KIR2DL1: variants seen among roughly 807,000 people sequenced by gnomAD.
KIR2DL1 encodes killer cell immunoglobulin-like receptor 2DL1.
KIR2DL1 carries 38 observed loss-of-function variants against 33.9 expected under a neutral mutation model. The observed-to-expected ratio is 1.12, with a 90% CI of 0.86 to 1.47. The LOEUF is 1.47. Among genes scored for constraint, KIR2DL1 ranks in the 40% most tolerant of loss-of-function variants. The pLI is 0.00. For synonymous variants in KIR2DL1, 179 were observed against 165.9 expected (o/e 1.08, Z -0.61); for missense variants, 531 against 433.9 (o/e 1.22, Z -1.99).
At chr19:54,782,629 C>T (rs1322300825) in intron 5 of KIR2DL1, among the ~76,000 whole-genome samples, 1 of 152,040 alleles carries the variant, frequency 6.6e-6, no homozygotes, top group Non-Finnish European at 1.5e-5. Context: ...GGATCCACCT[C>T]CATGACCCAA....
intron 3 of KIR2DL1, among the ~76,000 whole-genome samples, 156 bp from the exon 4 acceptor site, chr19:54,775,009 A>T (rs561349023): frequency 6.8e-6 from 1 of 147,954 alleles, no homozygotes; most frequent in East Asian, 1.9e-4. Context: ...GAGAAGGTGG[A>T]AGGAGGAAAT....
At chr19:54,771,198 G>A (rs1389824981) in intron 2 of KIR2DL1, among the ~76,000 whole-genome samples, 3 of 148,582 alleles carry the variant, frequency 2.0e-5, no homozygotes, top group African/African-American at 7.4e-5. Flanking sequence ...GGGCTGCAGT[G>A]TGGCTGCTGT....
rs1232931735 is a variant in KIR2DL1 at position 54,779,864 on chromosome 19, A to C, written c.715+1202A>C. Among the ~76,000 whole-genome samples the C allele has an allele frequency of 1.8e-4, 25 of 136,774 alleles. 3 individuals are homozygous for C. Among genetic ancestry groups the C allele is most frequent in the Non-Finnish European group, 3.0e-4 (19 of 62,564 alleles). 89.7% of individuals were successfully genotyped at this position (136,774 alleles called of 152,430 possible). A position where few individuals can be genotyped will look rare whatever the true frequency, so the allele number is the denominator to read the frequency against. ...AAGTGGATCTATAAATGAATGGTCCATTGGGAAGCATCTGTGCATGAAATC... is the reference window on the plus strand; with the variant it reads ...AAGTGGATCTATAAATGAATGGTCCCTTGGGAAGCATCTGTGCATGAAATC... On this transcript the variant is annotated intron_variant, in intron 5 of 7. Coordinates refer to ENST00000336077, the MANE Select transcript of KIR2DL1 (RefSeq NM_014218.3).
rs1432805346 is a variant in KIR2DL1 at position 54,774,377 on chromosome 19, C to A, written c.370+745C>A. Among the ~76,000 whole-genome samples the A allele has an allele frequency of 8.1e-5, 12 of 147,474 alleles. 1 individual carries two copies. Among genetic ancestry groups the A allele is most frequent in the African/African-American group, 3.0e-4 (12 of 40,316 alleles). ...GAGTGGTGAGAATGATGGAAGGGAG[C>A]AGAGAAAAGCACTAAAATTAGACTC... On this transcript the variant is annotated intron_variant, in intron 3 of 7. Transcript: ENST00000336077.
At chr19:54,782,797 T>G (rs2916012) in intron 5 of KIR2DL1, 125 bp from the exon 6 acceptor site, 2 of 996,300 alleles carry the variant, frequency 2.0e-6, no homozygotes, top group South Asian at 1.3e-5. Flanking sequence ...CTGGGTCTCC[T>G]GCCATCTGGG....
intron 7 of KIR2DL1, 28 bp from the exon 8 acceptor site, chr19:54,783,609 C>A: frequency 3.1e-6 from 5 of 1,613,976 alleles, no homozygotes; most frequent in Non-Finnish European, 3.4e-6. Flanking sequence ...TGAGCACCCT[C>A]CCTCACTCAG....
In KIR2DL1 at chr19:54,783,042, A is replaced by G. The variant is rs1190680279; in HGVS notation, c.817+19A>G. 3.1e-6 allele frequency: 5 copies of G among 1,608,976 alleles called. No individual in the cohort carries two copies. The highest frequency in any genetic ancestry group is 4.3e-6 in the Non-Finnish European group (5 of 1,175,916). On this transcript the variant is annotated intron_variant, in intron 6 of 7. Transcript: ENST00000336077. The stretch of plus-strand genomic sequence containing the variant: ...AAAAAAAGTAAGTCTCACGAAGCAG[A>G]GGCCAGAGAGCTCAGGGCCATGTGG...
intron 5 of KIR2DL1, among the ~76,000 whole-genome samples, chr19:54,782,273 A>G (rs944667638): frequency 5.3e-5 from 8 of 151,910 alleles, no homozygotes; most frequent in African/African-American, 1.2e-4. Context: ...TCCTGATCTC[A>G]GGAAGTTGCT....
At position 54,770,574 on chromosome 19, in the gene KIR2DL1, C is replaced by A. The variant is rs2075575540; in HGVS notation, c.35-275C>A. ...TCTGAGCCTGGATTGGAGATATGGG[C>A]CTGGATTGGCGATATGGGCTTAGGG... is the stretch of plus-strand genomic sequence containing the variant. On this transcript the variant is annotated intron_variant, in intron 1 of 7. Transcript: ENST00000336077. Among the ~76,000 whole-genome samples the A allele has an allele frequency of 2.8e-5, 4 of 144,508 alleles. 1 individual carries two copies. Among genetic ancestry groups the A allele is most frequent in the Admixed American group, 7.0e-5 (1 of 14,344 alleles). 94.8% of individuals were successfully genotyped at this position (144,508 alleles called of 152,430 possible). A position where few individuals can be genotyped will look rare whatever the true frequency, so the allele number is the denominator to read the frequency against.
intron 4 of KIR2DL1, among the ~76,000 whole-genome samples, chr19:54,778,221 T>G (rs1185215585): frequency 6.7e-6 from 1 of 149,222 alleles, no homozygotes; most frequent in Non-Finnish European, 1.5e-5. Context: ...ATTGCACCTC[T>G]GCACTCCAGC....
chr19:54,777,051 C>T (rs2076434049), intron 4 of KIR2DL1, among the ~76,000 whole-genome samples: 1 of 151,774 alleles, frequency 6.6e-6, no homozygotes, highest in Non-Finnish European at 1.5e-5. Context: ...ACCTTGCCAG[C>T]ATTTCTTTTG....
chr19:54,778,339 C>T (rs1328715063), intron 4 of KIR2DL1, among the ~76,000 whole-genome samples: 5 of 149,264 alleles, frequency 3.3e-5, no homozygotes, highest in Non-Finnish European at 6.0e-5. Context: ...GTTCTATGTG[C>T]CTTTCTTTAT....
rs779987099 is a variant in KIR2DL1 at position 54,775,437 on chromosome 19, C to A, written c.643C>A (p.Pro215Thr). ...ATACGAGTGGTCAAAGTCAAGTGAC[C>A]CACTGCTTGTTTCTGTCACAGGTGA... The part of the protein sequence containing the change: ...SPYEWSKSSD[P>T]LLVSVTGNPS... The change falls in exon 4 of 8, where the codon CCA becomes ACA. Residue 215 changes from proline to threonine, a missense_variant. Coordinates refer to ENST00000336077, the MANE Select transcript of KIR2DL1 (RefSeq NM_014218.3). The A allele has an allele frequency of 2.2e-5, 35 of 1,584,384 alleles. 1 individual carries two copies. Among genetic ancestry groups the A allele is most frequent in the Non-Finnish European group, 3.0e-5 (35 of 1,156,514 alleles).
At chr19:54,776,932 T>G (rs586191) in intron 4 of KIR2DL1, among the ~76,000 whole-genome samples, 13,955 of 133,434 alleles carry the variant, frequency 0.1, 53 homozygotes, top group South Asian at 0.16. Flanking sequence ...ATGATCCACC[T>G]CACCCAACCT....
At chr19:54,772,242 G>T (rs1207635967) in intron 2 of KIR2DL1, among the ~76,000 whole-genome samples, 2 of 147,440 alleles carry the variant, frequency 1.4e-5, no homozygotes, top group Non-Finnish European at 3.0e-5. Context: ...AGGAAGAGGG[G>T]AGTGGGGATT....
At chr19:54,776,289 C>T (rs1189870565) in intron 4 of KIR2DL1, among the ~76,000 whole-genome samples, 2 of 147,460 alleles carry the variant, frequency 1.4e-5, no homozygotes, top group African/African-American at 5.0e-5. Context: ...TTCTTCCTGT[C>T]CTCCAGTAGC....
At chr19:54,777,953 G>A (rs1376912713) in intron 4 of KIR2DL1, among the ~76,000 whole-genome samples, 1 of 148,208 alleles carries the variant, frequency 6.7e-6, no homozygotes, top group Non-Finnish European at 1.5e-5. Context: ...TGAGTTCTTG[G>A]CATCTTTGTC....
At chr19:54,770,820 G>C (rs1208332298) in intron 1 of KIR2DL1, 29 bp from the exon 2 acceptor site, 11 of 1,583,198 alleles carry the variant, frequency 6.9e-6, no homozygotes, top group Middle Eastern at 3.3e-4. Context: ...GCCTGCAGAT[G>C]GGTCATCCAT....
At chr19:54,775,720 G>A (rs2147498205) in intron 4 of KIR2DL1, among the ~76,000 whole-genome samples, 2 of 148,760 alleles carry the variant, frequency 1.3e-5, no homozygotes, top group East Asian at 3.9e-4. Flanking sequence ...GGGAGACTGG[G>A]CTCAGTTTGG....
Sources: allele counts gnomAD v4.1 joint callset (sites outside exome capture counted in the v4.1 genomes callset), GRCh38; gene constraint gnomAD v4.1.1; transcripts MANE v1.5; gene names NCBI Gene and HGNC (gene_info 2026-07-23, HGNC 2026-07-21).